The following PLCE1 variants were observed in gnomAD, a reference collection of about 807,000 sequenced individuals.
PLCE1 encodes phospholipase C epsilon 1.
A neutral mutation model predicts 242.8 loss-of-function variants in PLCE1; 119 were observed. The observed-to-expected ratio is 0.49, with a 90% CI of 0.42 to 0.57. The LOEUF (loss-of-function observed/expected upper bound fraction) is 0.57. PLCE1 is among the 20% of genes least tolerant of loss of function. The pLI, the probability that PLCE1 is intolerant of heterozygous loss-of-function variation, is 0.00. For synonymous variants in PLCE1, 945 were observed against 1,017.4 expected, an observed-to-expected ratio of 0.93 and a Z score of 1.35; for missense variants, 2,441 against 2,788.8, an observed-to-expected ratio of 0.88 and a Z score of 2.81.
chr10:94,095,668 G>C (rs1445845246), intron 2 of PLCE1, among the ~76,000 whole-genome samples: 3 of 152,172 alleles, frequency 2.0e-5, no homozygotes, highest in African/African-American at 7.2e-5. Context: ...TAAAAGGTAG[G>C]GGAAAAGAAA....
intron 1 of PLCE1, among the ~76,000 whole-genome samples, chr10:94,015,916 A>G (rs1374230812): frequency 6.6e-6 from 1 of 152,166 alleles, no homozygotes; most frequent in East Asian, 1.9e-4. Flanking sequence ...AGTTTTATGG[A>G]CCATTTTTAC....
At chr10:94,130,986 G>A (rs1326538332) in intron 2 of PLCE1, among the ~76,000 whole-genome samples, 1 of 152,160 alleles carries the variant, frequency 6.6e-6, no homozygotes, top group Non-Finnish European at 1.5e-5. Flanking sequence ...TGGCTTTTCT[G>A]TCTCCTTTAC....
At chr10:94,258,651 T>C in intron 11 of PLCE1, 149 bp from the exon 12 acceptor site, 2 of 834,416 alleles carry the variant, frequency 2.4e-6, no homozygotes, top group Non-Finnish European at 4.0e-6. Context: ...GGTTAAGAGA[T>C]GTGAAAAGAG....
intron 1 of PLCE1, among the ~76,000 whole-genome samples, chr10:94,029,202 T>C (rs1444413345): frequency 6.6e-6 from 1 of 152,146 alleles, no homozygotes; most frequent in Non-Finnish European, 1.5e-5. Context: ...TTCTCCTCCT[T>C]TGAATTGCTT....
intron 23 of PLCE1, among the ~76,000 whole-genome samples, chr10:94,297,418 G>A (rs1317475620): frequency 2.0e-5 from 3 of 151,444 alleles, no homozygotes; most frequent in Non-Finnish European, 2.9e-5. Context: ...ATAAAACATC[G>A]AAGATCACTC....
chr10:94,209,630 T>C (rs952408009), intron 4 of PLCE1, among the ~76,000 whole-genome samples: 2 of 152,156 alleles, frequency 1.3e-5, no homozygotes, highest in Non-Finnish European at 2.9e-5. Flanking sequence ...TATGAATGAA[T>C]ATAAGAAATA....
Position 94,304,665 on chromosome 10 carries a change from A to G in PLCE1, c.5622+20A>G, listed in dbSNP as rs757671301. ...TTAACTGTAAGTACGGCCCCTAGAG[A>G]AAGAACATAAGGTCGGGTTTAAGCC... On this transcript the variant is annotated intron_variant, in intron 25 of 32. Coordinates refer to ENST00000371380, the MANE Select transcript of PLCE1 (RefSeq NM_016341.4). 1 of 1,612,834 alleles carries G rather than the reference A, an allele frequency of 6.2e-7. No individual in the cohort carries two copies. Among genetic ancestry groups the G allele is most frequent in the East Asian group, 2.2e-5 (1 of 44,872 alleles).
At chr10:94,053,416 G>A (rs1448868414) in intron 2 of PLCE1, among the ~76,000 whole-genome samples, 1 of 152,222 alleles carries the variant, frequency 6.6e-6, no homozygotes, top group Non-Finnish European at 1.5e-5. Context: ...CTTTATGTCT[G>A]AGCAAATATT....
chr10:94,077,170 G>T (rs996637148), intron 2 of PLCE1, among the ~76,000 whole-genome samples: 1 of 152,176 alleles, frequency 6.6e-6, no homozygotes, highest in Non-Finnish European at 1.5e-5. Context: ...GATTCGCTCT[G>T]GTGTTTCCCA....
At chr10:94,115,413 T>C (rs1021363976) in intron 2 of PLCE1, among the ~76,000 whole-genome samples, 1 of 152,198 alleles carries the variant, frequency 6.6e-6, no homozygotes, top group Non-Finnish European at 1.5e-5. Flanking sequence ...TTTCTCCACA[T>C]CCTCTCCAGC....
At position 94,259,107 on chromosome 10, in the gene PLCE1, C is replaced by T. The variant is rs763993485; in HGVS notation, c.3771C>T (p.Asn1257=). 5.0e-6 allele frequency: 8 copies of T among 1,613,948 alleles called. No homozygotes were observed. In the African/African-American group the frequency reaches 6.7e-5, roughly 13 times the overall value. Residue 1257 remains asparagine, a synonymous_variant, in exon 13 of 33, where the codon AAC becomes AAT. Coordinates refer to ENST00000371380, the MANE Select transcript of PLCE1 (RefSeq NM_016341.4). ...CCGAGTCAGCCCCACTCTACACCAA[C>T]CTGACAATTGATGAAAACACCAGCG... ...SGSESAPLYT[N]LTIDENTSDL... is the part of the protein sequence containing the mutation.
At chr10:94,278,458 T>G (rs541372338) in intron 19 of PLCE1, among the ~76,000 whole-genome samples, 3 of 152,332 alleles carry the variant, frequency 2.0e-5, no homozygotes, top group African/African-American at 7.2e-5. Flanking sequence ...CAAGAATTAT[T>G]TATGCTCAAT....
intron 5 of PLCE1, among the ~76,000 whole-genome samples, chr10:94,232,362 C>T (rs1333038265): frequency 6.6e-6 from 1 of 152,186 alleles, no homozygotes; most frequent in African/African-American, 2.4e-5. Flanking sequence ...CCCAACCAGT[C>T]TCAGAGACTT....
intron 1 of PLCE1, among the ~76,000 whole-genome samples, chr10:94,000,385 T>C (rs567189900): frequency 3.3e-5 from 5 of 152,342 alleles, no homozygotes; most frequent in South Asian, 4.1e-4. Flanking sequence ...GGCCTAAGCA[T>C]CCTCATCTAC....
intron 7 of PLCE1, among the ~76,000 whole-genome samples, chr10:94,240,911 C>T (rs2050483793): frequency 6.6e-6 from 1 of 152,108 alleles, no homozygotes; most frequent in Non-Finnish European, 1.5e-5. Context: ...TTATTTAGTT[C>T]CTAAATAAGT....
chr10:94,096,693 CTGAT>C (rs2135436474), intron 2 of PLCE1: 1 of 152,298 alleles, frequency 6.6e-6, no homozygotes, highest in Admixed American at 6.5e-5. Context: ...ATTGTCTCAA[CTGAT>C]TGCCCTGGGC....
intron 2 of PLCE1, among the ~76,000 whole-genome samples, chr10:94,051,286 CAAAAAAAAAAAAAAA>C (rs869233995): frequency 1.0e-4 from 3 of 29,356 alleles, no homozygotes; most frequent in Non-Finnish European, 2.2e-4. Context: ...GACTCCAACT[CAAAAAAAAAAAAAAA>C]AAAAAAAAAA....
At chr10:94,122,045 G>A (rs577451528) in intron 2 of PLCE1, among the ~76,000 whole-genome samples, 1 of 152,284 alleles carries the variant, frequency 6.6e-6, no homozygotes, top group South Asian at 2.1e-4. Flanking sequence ...GGTTGGCATT[G>A]GTCCCCTCCA....
chr10:94,051,020 T>TCACAAACTAA, intron 2 of PLCE1, among the ~76,000 whole-genome samples: 1 of 151,834 alleles, frequency 6.6e-6, no homozygotes, highest in Non-Finnish European at 1.5e-5. Context: ...TGAGGCAGAG[T>TCACAAACTAA]ATTAATATTT....
Sources: gnomAD v4.1 joint callset for allele counts (sites outside exome capture counted in the v4.1 genomes callset) on GRCh38, gnomAD v4.1.1 for gene constraint, MANE v1.5 for transcripts, NCBI Gene and HGNC (gene_info 2026-07-23, HGNC 2026-07-21) for gene names.